Variants in SESN1 observed in about 807,000 individuals in gnomAD.
The protein encoded by SESN1 is sestrin-1.
Under a neutral mutation model 59.3 loss-of-function variants are expected in SESN1, and 30 were observed. That is an observed-to-expected ratio of 0.51 (90% CI 0.38 to 0.69). The LOEUF is 0.69. Among genes scored for constraint, SESN1 ranks in the 30% least tolerant of loss-of-function variants. The probability of loss-of-function intolerance (pLI) is 0.00; values close to 1 mark genes in which losing one functional copy is unlikely to be tolerated. For missense variants in SESN1, 566 were observed against 673.0 expected (o/e 0.84, Z 1.76); for synonymous variants, 197 against 219.9 (o/e 0.90, Z 0.92).
Position 108,988,614 on chromosome 6 carries a change from C to A in SESN1, c.1498G>T (p.Val500Phe). Residue 500 changes from valine to phenylalanine, a missense_variant, in exon 9 of 10, where the codon GTT (valine) becomes TTT (phenylalanine). By Grantham distance (50) the Val-to-Phe change is conservative (BLOSUM62 -1). Coordinates refer to ENST00000436639, the MANE Select transcript of SESN1 (RefSeq NM_014454.3). ...TTGGTAACCTTTTCAGGAGTGCAAACAACAGTTTTGATATAAACTTTAAAG... is the reference window on the plus strand; with the variant it reads ...TTGGTAACCTTTTCAGGAGTGCAAAAAACAGTTTTGATATAAACTTTAAAG... The part of the protein sequence containing the change: ...RSFKVYIKTV[V>F]CTPEKVTKRM... 1.2e-6 allele frequency: 2 copies of A among 1,613,102 alleles called. No individual in the cohort carries two copies. The highest frequency in any genetic ancestry group is 1.7e-6 in the Non-Finnish European group (2 of 1,179,522).
At chr6:108,993,148 C>T in intron 6 of SESN1, 2 of 364,950 alleles carry the variant, frequency 5.5e-6, no homozygotes, top group South Asian at 8.1e-5. Flanking sequence ...TTTCATAGAT[C>T]CTTTCTCTCT....
At chr6:109,083,043 T>C (rs1781152193) in intron 1 of SESN1, among the ~76,000 whole-genome samples, 1 of 152,248 alleles carries the variant, frequency 6.6e-6, no homozygotes, top group Non-Finnish European at 1.5e-5. Flanking sequence ...TACAGATAAG[T>C]AAACAAAGGT....
At chr6:109,023,059 C>G (rs1181433156) in intron 1 of SESN1, among the ~76,000 whole-genome samples, 3 of 152,124 alleles carry the variant, frequency 2.0e-5, no homozygotes, top group African/African-American at 7.2e-5. Flanking sequence ...CTGTGACCAC[C>G]CAAATCAGTA....
chr6:109,029,345 CTT>C (rs1292117855), intron 1 of SESN1, among the ~76,000 whole-genome samples: 1 of 152,200 alleles, frequency 6.6e-6, no homozygotes, highest in African/African-American at 2.4e-5. Context: ...ACTAAATGCA[CTT>C]GATTTATGGC....
intron 1 of SESN1, among the ~76,000 whole-genome samples, chr6:109,082,859 C>G (rs1230905018): frequency 6.6e-6 from 1 of 152,178 alleles, no homozygotes; most frequent in Non-Finnish European, 1.5e-5. Context: ...AAACTAATGG[C>G]AGTTTCAAGT....
chr6:109,010,290 A>G (rs934815101), intron 1 of SESN1, among the ~76,000 whole-genome samples: 1 of 152,202 alleles, frequency 6.6e-6, no homozygotes, highest in African/African-American at 2.4e-5. Context: ...AACAACTGAC[A>G]TTGTTGGGCC....
intron 1 of SESN1, among the ~76,000 whole-genome samples, chr6:109,054,277 CTT>C (rs1318851413): frequency 2.0e-5 from 3 of 151,898 alleles, no homozygotes; most frequent in African/African-American, 7.3e-5. Context: ...AAAATAATAA[CTT>C]GACTAACAAA....
intron 6 of SESN1, among the ~76,000 whole-genome samples, chr6:108,993,944 C>T (rs1457080303): frequency 6.6e-6 from 1 of 151,352 alleles, no homozygotes; most frequent in Non-Finnish European, 1.5e-5. Flanking sequence ...GGAAGAGAAG[C>T]GTGGGCAATA....
intron 1 of SESN1, among the ~76,000 whole-genome samples, chr6:109,006,601 G>A (rs930309312): frequency 6.6e-6 from 1 of 152,026 alleles, no homozygotes; most frequent in Non-Finnish European, 1.5e-5. Context: ...TCTAGAGTTG[G>A]TATCTTTCAT....
chr6:109,001,529 T>C (rs544934004), intron 2 of SESN1, 41 bp from the exon 3 acceptor site: 56 of 1,570,030 alleles, frequency 3.6e-5, no homozygotes, highest in Admixed American at 2.9e-4. Flanking sequence ...AAATGGTAAA[T>C]TGGTGTTAAG....
At chr6:109,007,073 TC>T (rs896767697) in intron 1 of SESN1, among the ~76,000 whole-genome samples, 2 of 152,180 alleles carry the variant, frequency 1.3e-5, no homozygotes, top group Non-Finnish European at 1.5e-5. Flanking sequence ...AACAATCTTT[TC>T]CCCTCAACAA....
intron 1 of SESN1, among the ~76,000 whole-genome samples, chr6:109,071,249 C>T (rs1047281170): frequency 4.6e-5 from 7 of 151,528 alleles, no homozygotes; most frequent in Admixed American, 1.3e-4. Context: ...GAGTTCAGGT[C>T]GTGTTTGGGG....
intron 1 of SESN1, among the ~76,000 whole-genome samples, chr6:109,085,515 T>TCACACACA (rs59793015): frequency 2.2e-4 from 33 of 148,410 alleles, no homozygotes; most frequent in African/African-American, 7.7e-4. Context: ...TGACACTCCG[T>TCACACACA]CACACACACA....
At chr6:109,009,374 G>A (rs1052803230) in intron 1 of SESN1, 1 of 1,467,640 alleles carries the variant, frequency 6.8e-7, no homozygotes, top group Non-Finnish European at 9.0e-7. Context: ...CCTGGTCGCG[G>A]CCCCCGCCGC....
intron 1 of SESN1, among the ~76,000 whole-genome samples, chr6:109,071,973 CAAGT>C (rs1780943224): frequency 6.6e-6 from 1 of 152,294 alleles, no homozygotes; most frequent in Non-Finnish European, 1.5e-5. Flanking sequence ...AAGAAAAATG[CAAGT>C]GAGTACACAG....
chr6:109,081,492 T>C (rs1407705887), intron 1 of SESN1, among the ~76,000 whole-genome samples: 2 of 152,182 alleles, frequency 1.3e-5, no homozygotes, highest in African/African-American at 4.8e-5. Context: ...TATCTACTCA[T>C]ACAATGTTGG....
chr6:109,055,191 G>A (rs191851643), intron 1 of SESN1, among the ~76,000 whole-genome samples: 3 of 152,126 alleles, frequency 2.0e-5, no homozygotes, highest in East Asian at 1.9e-4. Flanking sequence ...GGAAAGGGAG[G>A]GTAGGATAAC....
chr6:109,009,985 T>C (rs1345778480), intron 1 of SESN1, among the ~76,000 whole-genome samples: 1 of 152,134 alleles, frequency 6.6e-6, no homozygotes. Context: ...CCCTTCTTCC[T>C]TTCCCATAAT....
At chr6:109,065,591 GA>G (rs1780810688) in intron 1 of SESN1, among the ~76,000 whole-genome samples, 1 of 151,848 alleles carries the variant, frequency 6.6e-6, no homozygotes, top group Non-Finnish European at 1.5e-5. Flanking sequence ...ACTAGAGGAT[GA>G]AAAAACAAAG....
Sources: gnomAD v4.1 joint callset for allele counts (sites outside exome capture counted in the v4.1 genomes callset) on GRCh38, gnomAD v4.1.1 for gene constraint, MANE v1.5 for transcripts, NCBI Gene and HGNC (gene_info 2026-07-23, HGNC 2026-07-21) for gene names.